MAP4K4: variants seen among roughly 807,000 people sequenced by gnomAD.
MAP4K4 encodes mitogen-activated protein kinase kinase kinase kinase 4, also known as HPK/GCK-like kinase HGK.
MAP4K4 carries 38 observed loss-of-function variants against 189.6 expected under a neutral mutation model. The observed-to-expected ratio is 0.20, with a 90% CI of 0.15 to 0.26. The LOEUF is 0.26. Among genes scored for constraint, MAP4K4 ranks in the 10% least tolerant of loss-of-function variants. MAP4K4 has a pLI of 1.00. For synonymous variants in MAP4K4, 610 were observed against 624.3 expected, an observed-to-expected ratio of 0.98 and a Z score of 0.34; for missense variants, 1,054 against 1,726.9, an observed-to-expected ratio of 0.61 and a Z score of 6.91.
chr2:101,736,458 C>T (rs1371016322), intron 2 of MAP4K4, among the ~76,000 whole-genome samples: 1 of 152,176 alleles, frequency 6.6e-6, no homozygotes, highest in Non-Finnish European at 1.5e-5. Context: ...AGCACTGTGT[C>T]TCTTGCTGTC....
chr2:101,856,903 TC>T (rs759661402), intron 13 of MAP4K4, among the ~76,000 whole-genome samples: 8 of 152,354 alleles, frequency 5.3e-5, no homozygotes, highest in Non-Finnish European at 1.0e-4. Flanking sequence ...ATGTGACTGT[TC>T]AGCTGCCGTC....
At chr2:101,860,759 CT>C (rs2097624896) in intron 15 of MAP4K4, 65 bp from the exon 16 acceptor site, 1 of 1,338,684 alleles carries the variant, frequency 7.5e-7, no homozygotes, top group Non-Finnish European at 1.0e-6. Context: ...CACTTTTAGA[CT>C]TTCTTTGATA....
At chr2:101,784,350 A>C (rs1326798335) in intron 2 of MAP4K4, among the ~76,000 whole-genome samples, 1 of 151,782 alleles carries the variant, frequency 6.6e-6, no homozygotes, top group Non-Finnish European at 1.5e-5. Flanking sequence ...CTGCAGGCAG[A>C]TTGCTGTGTT....
intron 9 of MAP4K4, among the ~76,000 whole-genome samples, chr2:101,838,939 G>A (rs2096841376): frequency 6.6e-6 from 1 of 152,224 alleles, no homozygotes; most frequent in Admixed American, 6.5e-5. Context: ...TGCAGGTTGA[G>A]ATGTAGGAAC....
intron 28 of MAP4K4, among the ~76,000 whole-genome samples, chr2:101,884,039 G>T (rs2098446988): frequency 6.6e-6 from 1 of 152,178 alleles, no homozygotes; most frequent in South Asian, 2.1e-4. Flanking sequence ...CCTGCAGGGG[G>T]AGCAAGAGGC....
intron 3 of MAP4K4, among the ~76,000 whole-genome samples, chr2:101,816,846 G>A (rs766433214): frequency 6.6e-6 from 1 of 152,110 alleles, no homozygotes; most frequent in Admixed American, 6.5e-5. Flanking sequence ...CTGACCATTG[G>A]TTTCAGTGGC....
intron 2 of MAP4K4, among the ~76,000 whole-genome samples, chr2:101,725,267 A>G (rs2054575968): frequency 6.6e-6 from 1 of 152,202 alleles, no homozygotes; most frequent in South Asian, 2.1e-4. Context: ...AGGAATAAAG[A>G]TGAAATAGAT....
In MAP4K4 at chr2:101,842,824, T is replaced by A. The variant is rs2096961564; in HGVS notation, c.1022+143T>A. On this transcript the variant is annotated intron_variant, in intron 11 of 32. Transcript: ENST00000324219. ...TCTTACTATCTCCATTCTTCTCTAT[T>A]CTTGACAGATTCCTGTAAACATTTT... is the stretch of plus-strand genomic sequence containing the variant. 4 of 572,748 alleles carry A rather than the reference T, an allele frequency of 7.0e-6. No individual in the cohort carries two copies. The South Asian group carries it at 1.2e-4, about 16-fold the overall frequency. 35.5% of individuals were successfully genotyped at this position (572,748 alleles called of 1,614,324 possible).
At chr2:101,710,884 A>C (rs1007497373) in intron 2 of MAP4K4, among the ~76,000 whole-genome samples, 3 of 152,156 alleles carry the variant, frequency 2.0e-5, no homozygotes, top group Admixed American at 6.5e-5. Flanking sequence ...TGTTCCATTG[A>C]TTATGGTAAT....
intron 3 of MAP4K4, among the ~76,000 whole-genome samples, chr2:101,820,381 T>C (rs1393758684): frequency 6.6e-6 from 1 of 152,208 alleles, no homozygotes; most frequent in African/African-American, 2.4e-5. Context: ...CACTAGTGTA[T>C]GAAGTTCTTA....
chr2:101,837,331 C>T (rs1576517249), intron 9 of MAP4K4, among the ~76,000 whole-genome samples: 2 of 151,874 alleles, frequency 1.3e-5, no homozygotes, highest in Admixed American at 6.6e-5. Flanking sequence ...ATCTTCATAC[C>T]AGTTTTCTTC....
intron 2 of MAP4K4, among the ~76,000 whole-genome samples, chr2:101,773,847 C>T (rs923241881): frequency 2.6e-5 from 4 of 152,134 alleles, no homozygotes; most frequent in South Asian, 4.1e-4. Context: ...TCTGTCTTTC[C>T]GTGCTTGGCT....
At chr2:101,858,521 G>GA (rs1261301702) in intron 13 of MAP4K4, among the ~76,000 whole-genome samples, 1 of 152,130 alleles carries the variant, frequency 6.6e-6, no homozygotes, top group East Asian at 1.9e-4. Flanking sequence ...GTGAAAGCAT[G>GA]AATCATGTTT....
Position 101,855,140 on chromosome 2 carries a change from A to G in MAP4K4, c.1234-837A>G, listed in dbSNP as rs145735716. On this transcript the variant is annotated intron_variant, in intron 12 of 32. Transcript: ENST00000324219. The stretch of plus-strand genomic sequence containing the variant: ...ATCTTGCTCTGTTCTGTAGGGTTAC[A>G]TAGAACAGTCTGGATTTAGAAAGGC... Among the ~76,000 whole-genome samples, 57 of 152,318 alleles carry G rather than the reference A, an allele frequency of 3.7e-4. No homozygotes were observed. In the East Asian group the frequency reaches 4.1e-3, roughly 11 times the overall value.
chr2:101,861,030 C>A, intron 16 of MAP4K4, 44 bp downstream of exon 16: 1 of 1,531,914 alleles, frequency 6.5e-7, no homozygotes. Context: ...ACTCATGCAA[C>A]GGCTCGCTGA....
At chr2:101,759,178 G>C (rs992991103) in intron 2 of MAP4K4, among the ~76,000 whole-genome samples, 3 of 151,748 alleles carry the variant, frequency 2.0e-5, no homozygotes, top group Non-Finnish European at 4.4e-5. Flanking sequence ...TTCGTTTTGG[G>C]GTTCTTGTTT....
chr2:101,819,021 G>A (rs1190941128), intron 3 of MAP4K4, among the ~76,000 whole-genome samples: 1 of 152,174 alleles, frequency 6.6e-6, no homozygotes, highest in Non-Finnish European at 1.5e-5. Context: ...AGGGCATGGA[G>A]GACACAGTAG....
exon 11 of MAP4K4, chr2:101,842,615 C>T: frequency 6.2e-7 from 1 of 1,600,836 alleles, no homozygotes; most frequent in Non-Finnish European, 8.5e-7. Flanking sequence ...ATAGATGAAA[C>T]TGAGTATGAG....
At chr2:101,860,929 T>C in exon 16 of MAP4K4, 1 of 1,606,686 alleles carries the variant, frequency 6.2e-7, no homozygotes, top group South Asian at 1.1e-5. Context: ...CAGAGTCTTT[T>C]TCCAATGGCA....
Sources: gnomAD v4.1 joint callset for allele counts (sites outside exome capture counted in the v4.1 genomes callset) on GRCh38, gnomAD v4.1.1 for gene constraint, MANE v1.5 for transcripts, NCBI Gene and HGNC (gene_info 2026-07-23, HGNC 2026-07-21) for gene names.